Variants in BCAS3 observed in about 807,000 individuals in gnomAD.
The protein encoded by BCAS3 is BCAS4/BCAS3 fusion.
In BCAS3, 53 loss-of-function variants were observed where a neutral mutation model predicts 116.1. The observed-to-expected ratio is 0.46, with a 90% CI of 0.37 to 0.57. BCAS3 has a LOEUF of 0.57. Among genes scored for constraint, BCAS3 ranks in the 20% least tolerant of loss-of-function variants. The pLI, the probability that BCAS3 is intolerant of heterozygous loss-of-function variation, is 0.00. For missense variants in BCAS3, 917 were observed against 1,165.4 expected, an observed-to-expected ratio of 0.79 and a Z score of 3.10; for synonymous variants, 391 against 408.2, an observed-to-expected ratio of 0.96 and a Z score of 0.51.
At chr17:61,245,313 G>T (rs921132421) in intron 22 of BCAS3, 15 of 152,118 alleles carry the variant, frequency 9.9e-5, no homozygotes, top group African/African-American at 3.6e-4. Flanking sequence ...GACACATGGG[G>T]ATTATGGGAA....
chr17:60,760,450 A>C (rs1166222852), intron 6 of BCAS3, among the ~76,000 whole-genome samples: 1 of 151,262 alleles, frequency 6.6e-6, no homozygotes, highest in East Asian at 1.9e-4. Flanking sequence ...TTCATTCATG[A>C]AGGATAATTT....
chr17:60,942,351 C>T (rs534354801), intron 13 of BCAS3, among the ~76,000 whole-genome samples: 3 of 152,168 alleles, frequency 2.0e-5, no homozygotes, highest in East Asian at 1.9e-4. Flanking sequence ...TGCTTGAACC[C>T]GGGAGGCGGA....
chr17:61,310,702 T>C (rs937909325), intron 22 of BCAS3, among the ~76,000 whole-genome samples: 1 of 152,114 alleles, frequency 6.6e-6, no homozygotes, highest in East Asian at 1.9e-4. Context: ...ATGAGAGACA[T>C]GAAGGGGGGC....
chr17:61,038,196 C>A, intron 18 of BCAS3, 142 bp downstream of exon 18: 1 of 703,254 alleles, frequency 1.4e-6, no homozygotes, highest in Non-Finnish European at 2.2e-6. Context: ...ACATCACTCT[C>A]AAATGTTTCT....
At chr17:61,351,975 C>T (rs1215544163) in intron 22 of BCAS3, among the ~76,000 whole-genome samples, 2 of 152,178 alleles carry the variant, frequency 1.3e-5, no homozygotes, top group African/African-American at 4.8e-5. Context: ...TGACTTTTTG[C>T]CAGCTCGTTG....
chr17:61,183,533 T>A (rs965677694), intron 22 of BCAS3, among the ~76,000 whole-genome samples: 9 of 152,222 alleles, frequency 5.9e-5, no homozygotes, highest in Non-Finnish European at 8.8e-5. Context: ...TTTGTTAAGA[T>A]GTTTAAAATG....
chr17:61,072,469 C>G (rs566899967), intron 19 of BCAS3, among the ~76,000 whole-genome samples: 1 of 152,172 alleles, frequency 6.6e-6, no homozygotes, highest in South Asian at 2.1e-4. Context: ...TTACTTAGTA[C>G]AGAATCCAAA....
intron 22 of BCAS3, among the ~76,000 whole-genome samples, chr17:61,254,059 C>T (rs2048573110): frequency 6.6e-6 from 1 of 152,126 alleles, no homozygotes; most frequent in Admixed American, 6.6e-5. Context: ...CTACTTAAAA[C>T]CCTCATTTTG....
In BCAS3 at chr17:61,208,133, T is replaced by C. The variant is rs2081253658; in HGVS notation, c.2425+123569T>C. Among the ~76,000 whole-genome samples, 1 of 152,234 alleles carries C rather than the reference T, an allele frequency of 6.6e-6. No individual in the cohort carries two copies. Among genetic ancestry groups the C allele is most frequent in the Non-Finnish European group, 1.5e-5 (1 of 68,036 alleles). On this transcript the variant is annotated intron_variant, in intron 22 of 23. Coordinates refer to ENST00000407086, the MANE Select transcript of BCAS3 (RefSeq NM_017679.5). This position sits in a 1 kb window ranked among gnomAD's most constrained non-coding sequence, Gnocchi z 4.5. ...AAAAAATTTATTGATTTCTACTTAG[T>C]ATTTCAAATCTAAATTCAGGATGGG... is the stretch of plus-strand genomic sequence containing the variant.
chr17:61,269,006 C>T (rs1375602919), intron 22 of BCAS3, among the ~76,000 whole-genome samples: 1 of 152,044 alleles, frequency 6.6e-6, no homozygotes, highest in Non-Finnish European at 1.5e-5. Flanking sequence ...TTTTCTTTAT[C>T]CATTTATCCA....
rs1348567049 is a variant in BCAS3, at chr17:61,256,469, A to T, written c.2426-111858A>T. Among the ~76,000 whole-genome samples the T allele has an allele frequency of 2.6e-5, 4 of 151,730 alleles. No homozygotes were observed. The highest frequency in any genetic ancestry group is 5.9e-5 in the Non-Finnish European group (4 of 67,948). ...CAGGCGTGGGCCACCATACCTGGCTAATTTTTGTATTTTTAGTAGAGACAG... is the reference window on the plus strand; with the variant it reads ...CAGGCGTGGGCCACCATACCTGGCTTATTTTTGTATTTTTAGTAGAGACAG... On this transcript the variant is annotated intron_variant, in intron 22 of 23. Coordinates refer to ENST00000407086, the MANE Select transcript of BCAS3 (RefSeq NM_017679.5). This position sits in a 1 kb window ranked among gnomAD's most constrained non-coding sequence, Gnocchi z 5.6.
chr17:60,956,941 G>A lies in BCAS3; in HGVS notation c.1221+9589G>A, dbSNP rs2061164989. On this transcript the variant is annotated intron_variant, in intron 14 of 23. Transcript: ENST00000407086. This position sits in a 1 kb window ranked among gnomAD's most constrained non-coding sequence, Gnocchi z 4.2. ...CTGGATTCTTCCAAGAACTCTGACG[G>A]TACTTTAATCAGGCAAGGAAAAAAA... Among the ~76,000 whole-genome samples, 1 of 152,062 alleles carries A rather than the reference G, an allele frequency of 6.6e-6. No individual in the cohort carries two copies. Among genetic ancestry groups the A allele is most frequent in the Non-Finnish European group, 1.5e-5 (1 of 68,006 alleles).
At chr17:61,308,524 G>C (rs909039286) in intron 22 of BCAS3, among the ~76,000 whole-genome samples, 2 of 150,958 alleles carry the variant, frequency 1.3e-5, no homozygotes, top group Admixed American at 6.6e-5. Context: ...AAAAGCAGGA[G>C]TCATACACAG....
At chr17:60,986,510 CCTGT>C (rs1232819686) in intron 14 of BCAS3, among the ~76,000 whole-genome samples, 6 of 152,140 alleles carry the variant, frequency 3.9e-5, no homozygotes, top group Non-Finnish European at 8.8e-5. Flanking sequence ...TTTGCTATTA[CCTGT>C]CTTTTGGATA....
chr17:61,390,194 G>T lies in BCAS3; in HGVS notation c.2594-1783G>T. The T allele has an allele frequency of 6.6e-6, 1 of 152,370 alleles. No individual in the cohort carries two copies. Among genetic ancestry groups the T allele is most frequent in the Non-Finnish European group, 1.5e-5 (1 of 68,064 alleles). 9.4% of individuals were successfully genotyped at this position (152,370 alleles called of 1,614,324 possible). A position where few individuals can be genotyped will look rare whatever the true frequency, so the allele number is the denominator to read the frequency against. On this transcript the variant is annotated intron_variant, in intron 23 of 23. Transcript: ENST00000407086. The surrounding 1 kb of genome is among the most constrained non-coding windows in gnomAD (Gnocchi z 6.8). ...CACAACTCCTCGGCTTGCTTTTGGG[G>T]AAATAAGGCAACAGAGGGGTCTCTT...
At chr17:61,321,354 C>T (rs891099650) in intron 22 of BCAS3, among the ~76,000 whole-genome samples, 8 of 152,176 alleles carry the variant, frequency 5.3e-5, no homozygotes, top group Admixed American at 1.3e-4. Context: ...ATTCCTTCTA[C>T]CCCACCTCCC....
intron 22 of BCAS3, among the ~76,000 whole-genome samples, chr17:61,345,096 A>G (rs2057425663): frequency 1.3e-5 from 2 of 152,190 alleles, no homozygotes; most frequent in Admixed American, 6.5e-5. Flanking sequence ...AGCCTCACAC[A>G]GCACCAGCTC....
intron 5 of BCAS3, among the ~76,000 whole-genome samples, chr17:60,744,634 A>G (rs924482715): frequency 6.6e-6 from 1 of 152,188 alleles, no homozygotes; most frequent in East Asian, 1.9e-4. Flanking sequence ...AGTAGGTTGT[A>G]CAATCCTGAT....
At chr17:60,954,615 G>C (rs182946409) in intron 14 of BCAS3, among the ~76,000 whole-genome samples, 15 of 152,266 alleles carry the variant, frequency 9.9e-5, no homozygotes, top group Admixed American at 9.8e-4. Context: ...TGGAATTTTA[G>C]TCATTAACAC....
Sources: allele counts gnomAD v4.1 joint callset (sites outside exome capture counted in the v4.1 genomes callset), GRCh38; gene constraint gnomAD v4.1.1; non-coding constraint Gnocchi (gnomAD v3.1); transcripts MANE v1.5; gene names NCBI Gene and HGNC (gene_info 2026-07-23, HGNC 2026-07-21).